Variants in RRBP1 observed in about 807,000 individuals in gnomAD.
RRBP1 encodes ribosome-binding protein 1.
In RRBP1, 94 loss-of-function variants were observed where a neutral mutation model predicts 165.2. The observed-to-expected ratio is 0.57, with a 90% CI of 0.48 to 0.68. The LOEUF (loss-of-function observed/expected upper bound fraction) is 0.68. Among genes scored for constraint, RRBP1 ranks in the 30% least tolerant of loss-of-function variants. RRBP1 has a pLI of 0.00. For synonymous variants in RRBP1, 680 were observed against 714.5 expected, an observed-to-expected ratio of 0.95 and a Z score of 0.77; for missense variants, 1,676 against 1,763.0, an observed-to-expected ratio of 0.95 and a Z score of 0.88.
intron 2 of RRBP1, among the ~76,000 whole-genome samples, chr20:17,678,779 T>C (rs1280677841): frequency 6.6e-6 from 1 of 152,244 alleles, no homozygotes; most frequent in Non-Finnish European, 1.5e-5. Context: ...AAATTGCTAC[T>C]TGTGGCTACT....
At chr20:17,678,215 A>G (rs2037117668) in intron 2 of RRBP1, among the ~76,000 whole-genome samples, 1 of 152,216 alleles carries the variant, frequency 6.6e-6, no homozygotes, top group Admixed American at 6.5e-5. Flanking sequence ...CTAATTTTCT[A>G]TATGCTAAGT....
intron 2 of RRBP1, among the ~76,000 whole-genome samples, chr20:17,677,956 T>C (rs1385658737): frequency 6.6e-6 from 1 of 152,250 alleles, no homozygotes; most frequent in Non-Finnish European, 1.5e-5. Flanking sequence ...GGAACTCCAA[T>C]ACTTTGGAAC....
chr20:17,668,647 T>C (rs1180974920), intron 2 of RRBP1, among the ~76,000 whole-genome samples: 2 of 152,258 alleles, frequency 1.3e-5, no homozygotes, highest in Non-Finnish European at 1.5e-5. Context: ...GCAGGTGTTC[T>C]TTCTAGTCTG....
At chr20:17,632,523 T>C (rs747254622) in intron 8 of RRBP1, among the ~76,000 whole-genome samples, 3 of 152,226 alleles carry the variant, frequency 2.0e-5, no homozygotes, top group Non-Finnish European at 4.4e-5. Context: ...TCTTTGTCCA[T>C]GTTCTCTTTT....
At position 17,660,415 on chromosome 20, in the gene RRBP1, G is replaced by GA. The variant is rs2036743112; in HGVS notation, c.92dup (p.Ser32LeufsTer8). On this transcript the variant is annotated frameshift_variant, in exon 3 of 25. Transcript: ENST00000377813. LOFTEE classifies it high-confidence loss of function. The stretch of plus-strand genomic sequence containing the variant: ...CTTCATATGACGTTTCCTTCATGGA[G>GA]AAAGTCGACACCAGGAAGATGCCAA... 2.5e-6 allele frequency: 4 copies of GA among 1,614,120 alleles called. No individual in the cohort carries two copies. Among genetic ancestry groups the GA allele is most frequent in the Non-Finnish European group, 3.4e-6 (4 of 1,180,022 alleles).
Position 17,670,601 on chromosome 20 carries a change from CATGT to C in RRBP1, c.-22+9394_-22+9397del, listed in dbSNP as rs2036959494. Reference sequence around the variant, plus strand: ...CAGCCTCTCCAACATTATTCTTTTACATGTATTTAGAACTGTCCAAATATTTACC... The same window carrying C: ...CAGCCTCTCCAACATTATTCTTTTACATTTAGAACTGTCCAAATATTTACC... On this transcript the variant is annotated intron_variant, in intron 2 of 24. Transcript: ENST00000377813. 2.6e-5 allele frequency among the ~76,000 whole-genome samples: 4 copies of C among 152,278 alleles called. No individual in the cohort carries two copies. In the East Asian group the frequency reaches 7.7e-4, roughly 29 times the overall value.
At chr20:17,663,865 T>C (rs6044939) in intron 2 of RRBP1, among the ~76,000 whole-genome samples, 56 of 152,296 alleles carry the variant, frequency 3.7e-4, no homozygotes, top group African/African-American at 1.3e-3. Context: ...ACCCATACCT[T>C]GTAGGGTCTG....
At chr20:17,646,443 C>T (rs892871226) in intron 3 of RRBP1, among the ~76,000 whole-genome samples, 1 of 152,186 alleles carries the variant, frequency 6.6e-6, no homozygotes, top group African/African-American at 2.4e-5. Context: ...GGCCTGGAGT[C>T]GAATCCCAGC....
intron 22 of RRBP1, 82 bp from the exon 23 acceptor site, chr20:17,615,611 G>GCCCCCTGGTC: frequency 8.3e-7 from 1 of 1,210,934 alleles, no homozygotes; most frequent in Non-Finnish European, 1.1e-6. Flanking sequence ...CACGCCTGGG[G>GCCCCCTGGTC]ACCAGGGGGC....
At chr20:17,662,901 C>A (rs2036792448) in intron 2 of RRBP1, among the ~76,000 whole-genome samples, 2 of 152,132 alleles carry the variant, frequency 1.3e-5, no homozygotes, top group Admixed American at 1.3e-4. Context: ...TAAGGCCAGG[C>A]ATGGTGGTAC....
chr20:17,678,115 C>T (rs1156695508), intron 2 of RRBP1, among the ~76,000 whole-genome samples: 1 of 152,222 alleles, frequency 6.6e-6, no homozygotes. Context: ...AGGACACACA[C>T]GTCTGGTTTT....
chr20:17,668,125 C>T (rs2036904354), intron 2 of RRBP1, among the ~76,000 whole-genome samples: 1 of 152,188 alleles, frequency 6.6e-6, no homozygotes, highest in Admixed American at 6.5e-5. Context: ...ACTCACTGTG[C>T]TGAGTGTGAG....
rs770274012 is a variant in RRBP1 at position 17,641,813 on chromosome 20, A to C, written c.2168T>G (p.Leu723Arg). The C allele has an allele frequency of 6.2e-7, 1 of 1,613,404 alleles. No homozygotes were observed. The highest frequency in any genetic ancestry group is 8.5e-7 in the Non-Finnish European group (1 of 1,179,986). The change falls in exon 5 of 25, where the codon CTG becomes CGG. Residue 723 changes from leucine (L) to arginine (R), a missense_variant. By Grantham distance (102) the Leu-to-Arg change is moderately radical (BLOSUM62 -2). This residue lies in a region of RRBP1 where 1,184 missense variants were observed against 1,167.1 expected (regional missense o/e 1.01). Transcript: ENST00000377813. Reference protein sequence around the residue: ...QEDAAVAKSKLRELNKEMAAE... With the variant: ...QEDAAVAKSKRRELNKEMAAE... ...AGGCTGTACCTTGTTGAGCTCCCTC[A>C]GTTTGCTCTTGGCGACAGCCGCATC... is the stretch of plus-strand genomic sequence containing the variant.
chr20:17,615,595 A>C, intron 22 of RRBP1, 66 bp from the exon 23 acceptor site: 1 of 1,355,286 alleles, frequency 7.4e-7, no homozygotes, highest in East Asian at 2.6e-5. Context: ...TCAAGACCCT[A>C]CCGAGCACGC....
intron 5 of RRBP1, among the ~76,000 whole-genome samples, chr20:17,638,017 C>A (rs1600745767): frequency 6.6e-6 from 1 of 152,142 alleles, no homozygotes; most frequent in East Asian, 1.9e-4. Flanking sequence ...GGGTGGGGCC[C>A]AAACCTAGGA....
In RRBP1 at chr20:17,659,602, T is replaced by G. The variant is rs1158241535; in HGVS notation, c.906A>C (p.Val302=). The G allele has an allele frequency of 6.5e-7, 1 of 1,542,780 alleles. No individual in the cohort carries two copies. The highest frequency in any genetic ancestry group is 1.4e-5 in the African/African-American group (1 of 71,548). ...AEGAQNQAKK[V]EGAQNQGKKA... ...TTTTGCCCTGGTTCTGGGCCCCTTC[T>G]ACCTTTTTGGCCTGGTTCTGAGCCC... The change falls in exon 3 of 25, where the codon GTA becomes GTC. Residue 302 remains valine, a synonymous_variant. Transcript: ENST00000377813.
chr20:17,616,627 C>G, intron 21 of RRBP1, 105 bp downstream of exon 21: 1 of 730,224 alleles, frequency 1.4e-6, no homozygotes. Context: ...GGGGAAGCAG[C>G]GGAGGCTGGA....
intron 3 of RRBP1, among the ~76,000 whole-genome samples, chr20:17,651,023 C>T (rs1479307929): frequency 6.6e-6 from 1 of 152,214 alleles, no homozygotes; most frequent in Non-Finnish European, 1.5e-5. Context: ...TGGACACGTG[C>T]GTCAGCTGAC....
intron 19 of RRBP1, chr20:17,618,891 G>A (rs2035854277): frequency 5.3e-6 from 3 of 565,926 alleles, no homozygotes; most frequent in Admixed American, 3.0e-5. Flanking sequence ...TGTTCACTGC[G>A]TACCTCTTTC....
Sources: allele counts gnomAD v4.1 joint callset (sites outside exome capture counted in the v4.1 genomes callset), GRCh38; gene constraint gnomAD v4.1.1; regional missense constraint gnomAD v4.1.1; transcripts MANE v1.5; gene names NCBI Gene and HGNC (gene_info 2026-07-23, HGNC 2026-07-21).